KCNH1: variants seen among roughly 807,000 people sequenced by gnomAD.
KCNH1 encodes the protein potassium voltage-gated channel subfamily H member 1, also known as voltage-gated delayed rectifier potassium channel KCNH1.
Under a neutral mutation model 69.2 loss-of-function variants are expected in KCNH1, and 27 were observed. The ratio of observed to expected loss-of-function variants is 0.39; its 90% confidence interval spans 0.29 to 0.54. The LOEUF (loss-of-function observed/expected upper bound fraction) is 0.54, where lower values mean the gene tolerates loss of function less well. Ranked by LOEUF, KCNH1 falls within the 20% of genes least tolerant of loss-of-function variation. The pLI, the probability that KCNH1 is intolerant of heterozygous loss-of-function variation, is 0.68. For missense variants in KCNH1, 798 were observed against 1,261.6 expected, an observed-to-expected ratio of 0.63 and a Z score of 5.57; for synonymous variants, 456 against 487.7, an observed-to-expected ratio of 0.93 and a Z score of 0.86.
chr1:210,703,534 T>C (rs1218169041), intron 10 of KCNH1, among the ~76,000 whole-genome samples: 1 of 152,244 alleles, frequency 6.6e-6, no homozygotes, highest in East Asian at 1.9e-4. Flanking sequence ...AAAGAAATAA[T>C]GCATTTAAAG....
chr1:210,744,281 A>G (rs566065032), intron 10 of KCNH1, among the ~76,000 whole-genome samples: 9 of 152,278 alleles, frequency 5.9e-5, no homozygotes, highest in South Asian at 2.1e-4. Context: ...GCATTGTAGA[A>G]TTTGTCCCAA....
At chr1:211,057,589 T>C (rs1690336434) in intron 5 of KCNH1, among the ~76,000 whole-genome samples, 1 of 151,780 alleles carries the variant, frequency 6.6e-6, no homozygotes, top group Admixed American at 6.6e-5. Flanking sequence ...CAGTGAGCCA[T>C]GATTGTGCCA....
At chr1:211,027,645 T>C (rs1689709073) in intron 5 of KCNH1, among the ~76,000 whole-genome samples, 1 of 148,916 alleles carries the variant, frequency 6.7e-6, no homozygotes, top group South Asian at 2.2e-4. Flanking sequence ...AAAAAATTAG[T>C]GAACTTGAAC....
intron 9 of KCNH1, among the ~76,000 whole-genome samples, chr1:210,777,984 C>T: frequency 6.6e-6 from 1 of 152,240 alleles, no homozygotes; most frequent in East Asian, 1.9e-4. Flanking sequence ...GACTCTCCCT[C>T]TTGGAACCCA....
At position 210,945,857 on chromosome 1, in the gene KCNH1, C is replaced by T. The variant is rs562908907; in HGVS notation, c.1033-25788G>A. Among the ~76,000 whole-genome samples, 10 of 152,320 alleles carry T rather than the reference C, an allele frequency of 6.6e-5. No individual in the cohort carries two copies. The South Asian group carries it at 1.2e-3, about 19-fold the overall frequency. ...TTCTCCAAAAAGGACTTCCCTCACA[C>T]GCTTAAAATCGCAACTCCCAGACCC... is the stretch of plus-strand genomic sequence containing the variant. On this transcript the variant is annotated intron_variant, in intron 6 of 10. Transcript: ENST00000271751.
At chr1:211,089,539 G>T (rs1691016320) in intron 4 of KCNH1, among the ~76,000 whole-genome samples, 1 of 152,200 alleles carries the variant, frequency 6.6e-6, no homozygotes, top group Non-Finnish European at 1.5e-5. Flanking sequence ...AATACCCTCA[G>T]AGGACACAGC....
At chr1:210,780,486 G>T (rs1683954485) in intron 9 of KCNH1, among the ~76,000 whole-genome samples, 1 of 152,184 alleles carries the variant, frequency 6.6e-6, no homozygotes, top group Admixed American at 6.5e-5. Context: ...TAGGGGCTGA[G>T]GTGTAACAGT....
chr1:210,948,595 T>G (rs890271986), intron 6 of KCNH1, among the ~76,000 whole-genome samples: 3 of 151,972 alleles, frequency 2.0e-5, no homozygotes, highest in African/African-American at 7.2e-5. Flanking sequence ...TTTGGGAGGC[T>G]GAGGCGGGCG....
intron 10 of KCNH1, among the ~76,000 whole-genome samples, chr1:210,766,802 T>C (rs1396427505): frequency 2.0e-5 from 3 of 152,228 alleles, no homozygotes; most frequent in Non-Finnish European, 2.9e-5. Context: ...ATACCAGATA[T>C]GGTCTGCACG....
chr1:210,800,145 A>AAGCGAGCATGCCCTCTGGGAGTAC (rs1684400939), intron 8 of KCNH1, among the ~76,000 whole-genome samples: 2 of 152,218 alleles, frequency 1.3e-5, no homozygotes, highest in South Asian at 4.1e-4. Flanking sequence ...GATGCCCATC[A>AAGCGAGCATGCCCTCTGGGAGTAC]AGCGAGCATG....
At chr1:210,718,518 TG>T (rs1394503339) in intron 10 of KCNH1, among the ~76,000 whole-genome samples, 4 of 78,126 alleles carry the variant, frequency 5.1e-5, no homozygotes, top group Admixed American at 1.9e-4. Context: ...TATACATATA[TG>T]TATATATATA....
chr1:210,744,449 G>T (rs757827688), intron 10 of KCNH1, among the ~76,000 whole-genome samples: 2 of 152,146 alleles, frequency 1.3e-5, no homozygotes, highest in Non-Finnish European at 2.9e-5. Context: ...TTCAAGACTA[G>T]CCTGACCAAC....
chr1:211,127,050 T>C (rs573017914), intron 1 of KCNH1, among the ~76,000 whole-genome samples: 1 of 152,278 alleles, frequency 6.6e-6, no homozygotes, highest in African/African-American at 2.4e-5. Context: ...ATCCCTTAAA[T>C]CTTTGGAGAG....
intron 6 of KCNH1, among the ~76,000 whole-genome samples, chr1:210,985,373 T>C (rs1225743297): frequency 2.6e-5 from 4 of 152,240 alleles, no homozygotes; most frequent in Non-Finnish European, 5.9e-5. Context: ...AATTGTGATG[T>C]CAGGGTGTCA....
At chr1:210,941,977 C>G (rs543435999) in intron 6 of KCNH1, among the ~76,000 whole-genome samples, 1 of 152,220 alleles carries the variant, frequency 6.6e-6, no homozygotes, top group Admixed American at 6.5e-5. Context: ...TCATTCTAGA[C>G]TCTTCCATTC....
At chr1:210,740,915 G>T (rs1238129621) in intron 10 of KCNH1, among the ~76,000 whole-genome samples, 1 of 151,944 alleles carries the variant, frequency 6.6e-6, no homozygotes, top group African/African-American at 2.4e-5. Context: ...AGCTCCAGAG[G>T]CTAAAATATG....
At chr1:210,691,781 T>G (rs754036697) in intron 10 of KCNH1, among the ~76,000 whole-genome samples, 2 of 152,244 alleles carry the variant, frequency 1.3e-5, no homozygotes, top group African/African-American at 2.4e-5. Flanking sequence ...TCTTTTAACT[T>G]GTCAGGATGG....
chr1:211,027,776 G>A (rs1290324905), intron 5 of KCNH1, among the ~76,000 whole-genome samples: 1 of 151,736 alleles, frequency 6.6e-6, no homozygotes, highest in Non-Finnish European at 1.5e-5. Context: ...CAAGAAGACA[G>A]AACAATCCTG....
intron 7 of KCNH1, among the ~76,000 whole-genome samples, chr1:210,901,610 G>T (rs1686996947): frequency 6.6e-6 from 1 of 152,166 alleles, no homozygotes; most frequent in Admixed American, 6.5e-5. Context: ...TGTGGATGCT[G>T]ACTTTTCAGG....
Sources: gnomAD v4.1 joint callset for allele counts (sites outside exome capture counted in the v4.1 genomes callset) on GRCh38, gnomAD v4.1.1 for gene constraint, MANE v1.5 for transcripts, NCBI Gene and HGNC (gene_info 2026-07-23, HGNC 2026-07-21) for gene names.